The following AFF2 variants were observed in gnomAD, a reference collection of about 807,000 sequenced individuals.
AFF2 encodes ALF transcription elongation factor 2.
In AFF2, 14 loss-of-function variants were observed where a neutral mutation model predicts 76.9. The observed-to-expected ratio is 0.18, with a 90% CI of 0.12 to 0.28. The LOEUF (loss-of-function observed/expected upper bound fraction) is 0.28, where lower values mean the gene tolerates loss of function less well. Ranked by LOEUF, AFF2 falls within the 10% of genes least tolerant of loss-of-function variation. AFF2 has a pLI of 1.00. For synonymous variants in AFF2, 398 were observed against 366.7 expected (o/e 1.09, Z -0.98); for missense variants, 868 against 1,001.1 (o/e 0.87, Z 1.79).
chrX:148,609,032 C>T (rs1336991079), intron 1 of AFF2, among the ~76,000 whole-genome samples: 2 of 111,396 alleles, frequency 1.8e-5, no homozygotes, highest in East Asian at 5.7e-4. Flanking sequence ...CCCATGCTGA[C>T]ATTGACTTTC....
chrX:148,560,981 C>T (rs1175106736), intron 1 of AFF2, among the ~76,000 whole-genome samples: 1 of 111,431 alleles, frequency 9.0e-6, no homozygotes, highest in Non-Finnish European at 1.9e-5. Flanking sequence ...TGCAGATCTC[C>T]TTATGGTTTC....
intron 3 of AFF2, among the ~76,000 whole-genome samples, chrX:148,737,830 G>A (rs782236119): frequency 1.3e-4 from 14 of 111,490 alleles, no homozygotes; most frequent in Non-Finnish European, 2.4e-4. Flanking sequence ...ATCATAAAGC[G>A]ATGTTGGGTT....
chrX:148,590,168 G>C (rs1354189620), intron 1 of AFF2, among the ~76,000 whole-genome samples: 1 of 108,092 alleles, frequency 9.3e-6, no homozygotes, highest in Non-Finnish European at 1.9e-5. Flanking sequence ...AGAGCTGGCA[G>C]TGTGAACACA....
In AFF2 at chrX:148,991,236, G is replaced by T; in HGVS notation, c.3840G>T (p.Leu1280=). The change falls in exon 21 of 21, where the codon CTG becomes CTT. Residue 1280 remains leucine (L), a synonymous_variant. Coordinates refer to ENST00000370460, the MANE Select transcript of AFF2 (RefSeq NM_002025.4). ...AATTCTTTGGTGATCTGGACACGCTGATGGGGCCTCTGACCCAGCACAGCA... is the reference window on the plus strand; with the variant it reads ...AATTCTTTGGTGATCTGGACACGCTTATGGGGCCTCTGACCCAGCACAGCA... The part of the protein sequence containing the change: ...NKEFFGDLDT[L]MGPLTQHSSM... 1 of 1,207,945 alleles carries T rather than the reference G, an allele frequency of 8.3e-7. No homozygotes were observed. Among genetic ancestry groups the T allele is most frequent in the South Asian group, 1.8e-5 (1 of 56,374 alleles).
rs1163912239 is a variant in AFF2 at position 148,991,969 on chromosome X, C to T, written c.*637C>T. The T allele has an allele frequency of 8.9e-6, 1 of 112,108 alleles. No individual in the cohort carries two copies. Among genetic ancestry groups the T allele is most frequent in the Non-Finnish European group, 1.9e-5 (1 of 53,251 alleles). 9.2% of individuals were successfully genotyped at this position (112,108 alleles called of 1,213,427 possible). On this transcript the variant is annotated 3_prime_UTR_variant, in exon 21 of 21. Transcript: ENST00000370460. ...AACCAGAGGACTTTCTTGTTAGCAT[C>T]CCTTTCCTGATTCCCTATTTTGTTA...
chrX:148,819,388 T>C (rs1433572596), intron 4 of AFF2, among the ~76,000 whole-genome samples: 4 of 111,572 alleles, frequency 3.6e-5, no homozygotes, highest in Non-Finnish European at 7.5e-5. Flanking sequence ...GGCTGTACCA[T>C]TTTGCACTTA....
At chrX:148,720,996 C>T (rs920505079) in intron 3 of AFF2, among the ~76,000 whole-genome samples, 1 of 111,596 alleles carries the variant, frequency 9.0e-6, no homozygotes, top group Non-Finnish European at 1.9e-5. Context: ...TGAACTTGCA[C>T]CCTGGAATAT....
At chrX:148,803,737 G>C (rs1188455925) in intron 3 of AFF2, among the ~76,000 whole-genome samples, 3 of 111,388 alleles carry the variant, frequency 2.7e-5, no homozygotes, top group Non-Finnish European at 5.7e-5. Context: ...CTCAGCTGAT[G>C]ATGGGCCTTT....
At chrX:148,922,588 C>A (rs1484566488) in intron 9 of AFF2, among the ~76,000 whole-genome samples, 2 of 112,232 alleles carry the variant, frequency 1.8e-5, no homozygotes, top group Non-Finnish European at 3.8e-5. Context: ...CTCTTATATT[C>A]TCTGTTAAAA....
chrX:148,565,012 G>A (rs1203005794), intron 1 of AFF2, among the ~76,000 whole-genome samples: 1 of 111,886 alleles, frequency 8.9e-6, no homozygotes, highest in Non-Finnish European at 1.9e-5. Context: ...ATAAATGCAA[G>A]CTCTGACACA....
intron 2 of AFF2, among the ~76,000 whole-genome samples, chrX:148,652,558 G>A: frequency 8.9e-6 from 1 of 111,982 alleles, no homozygotes; most frequent in Non-Finnish European, 1.9e-5. Context: ...ATTTTAGGTT[G>A]TTAGCAGCTC....
intron 7 of AFF2, among the ~76,000 whole-genome samples, chrX:148,873,569 T>C (rs2071003053): frequency 1.8e-5 from 2 of 108,714 alleles, no homozygotes; most frequent in Admixed American, 2.0e-4. Context: ...TGTGTTTTCT[T>C]CTTAACTTTT....
At chrX:148,730,006 T>C (rs1243023026) in intron 3 of AFF2, among the ~76,000 whole-genome samples, 7 of 111,884 alleles carry the variant, frequency 6.3e-5, no homozygotes, top group African/African-American at 2.3e-4. Flanking sequence ...GTAGCATATC[T>C]GTGGCATGCA....
At chrX:148,589,998 A>G (rs1170781199) in intron 1 of AFF2, among the ~76,000 whole-genome samples, 1 of 102,459 alleles carries the variant, frequency 9.8e-6, no homozygotes, top group Non-Finnish European at 2.0e-5. Flanking sequence ...CCTATTGTTC[A>G]ATGGATTGGG....
chrX:148,743,310 T>C (rs186800714), intron 3 of AFF2, among the ~76,000 whole-genome samples: 6 of 112,257 alleles, frequency 5.3e-5, no homozygotes, highest in Non-Finnish European at 1.9e-5. Context: ...GGAAAGAATT[T>C]TGTGTCCTTC....
At chrX:148,762,000 TATAGATATAG>T (rs1220208666) in intron 3 of AFF2, among the ~76,000 whole-genome samples, 3 of 107,817 alleles carry the variant, frequency 2.8e-5, no homozygotes, top group African/African-American at 1.0e-4. Context: ...TAGATATAGA[TATAGATATAG>T]ATAGATATAT....
chrX:148,762,406 A>G (rs1481103667), intron 3 of AFF2, among the ~76,000 whole-genome samples: 3 of 74,224 alleles, frequency 4.0e-5, no homozygotes, highest in Admixed American at 1.3e-4. Flanking sequence ...GTAGTATTCT[A>G]TGGTATATAT....
intron 3 of AFF2, among the ~76,000 whole-genome samples, chrX:148,667,907 T>A (rs782550204): frequency 2.7e-4 from 30 of 111,766 alleles, no homozygotes; most frequent in Non-Finnish European, 5.3e-4. Flanking sequence ...TACCCCAAAG[T>A]CTTAACTCAT....
At chrX:148,691,128 C>G (rs782234020) in intron 3 of AFF2, among the ~76,000 whole-genome samples, 1 of 111,629 alleles carries the variant, frequency 9.0e-6, no homozygotes, top group African/African-American at 3.3e-5. Flanking sequence ...AGCCCATAAC[C>G]GTGTGTCTAC....
Sources: allele counts gnomAD v4.1 joint callset (sites outside exome capture counted in the v4.1 genomes callset), GRCh38; gene constraint gnomAD v4.1.1; transcripts MANE v1.5; gene names NCBI Gene and HGNC (gene_info 2026-07-23, HGNC 2026-07-21).